Variants in PCDHGB1 observed in about 807,000 individuals in gnomAD.
The protein encoded by PCDHGB1 is protocadherin gamma subfamily B, 1, also known as protocadherin gamma-B1.
A neutral mutation model predicts 56.6 loss-of-function variants in PCDHGB1; 34 were observed. That is an observed-to-expected ratio of 0.60 (90% confidence interval 0.46 to 0.80). The LOEUF (loss-of-function observed/expected upper bound fraction) is 0.80. Among genes scored for constraint, PCDHGB1 ranks in the 30% least tolerant of loss-of-function variants. PCDHGB1 has a pLI of 0.00. For missense variants in PCDHGB1, 1,278 were observed against 1,204.6 expected, an observed-to-expected ratio of 1.06 and a Z score of -0.90; for synonymous variants, 561 against 505.9, an observed-to-expected ratio of 1.11 and a Z score of -1.46.
intron 1 of PCDHGB1, chr5:141,376,399 G>C (rs764497807): frequency 6.2e-7 from 1 of 1,614,182 alleles, no homozygotes; most frequent in South Asian, 1.1e-5. Flanking sequence ...TTTTCCCCCA[G>C]CCCAACTATG....
At chr5:141,442,701 A>AG (rs1388473196) in intron 1 of PCDHGB1, among the ~76,000 whole-genome samples, 5 of 152,258 alleles carry the variant, frequency 3.3e-5, no homozygotes, top group Non-Finnish European at 7.3e-5. Flanking sequence ...AGACAAGAGT[A>AG]TCAGACATGC....
chr5:141,459,843 T>C (rs1328781794), intron 1 of PCDHGB1, among the ~76,000 whole-genome samples: 1 of 152,228 alleles, frequency 6.6e-6, no homozygotes, highest in African/African-American at 2.4e-5. Context: ...TGTCTATTTG[T>C]ATATCTTCTT....
intron 1 of PCDHGB1, among the ~76,000 whole-genome samples, chr5:141,437,588 A>G (rs1399641711): frequency 6.6e-6 from 1 of 152,134 alleles, no homozygotes; most frequent in African/African-American, 2.4e-5. Context: ...CATGAATTGG[A>G]TAGTTCTGGT....
intron 1 of PCDHGB1, among the ~76,000 whole-genome samples, chr5:141,407,088 G>T (rs955657125): frequency 4.6e-5 from 7 of 152,058 alleles, no homozygotes; most frequent in African/African-American, 1.7e-4. Context: ...ATGAAGAATT[G>T]TTTTATTTGT....
chr5:141,354,959 G>A, intron 1 of PCDHGB1: 1 of 493,026 alleles, frequency 2.0e-6, no homozygotes, highest in East Asian at 3.2e-5. Context: ...GCAGTAACAG[G>A]TTAAGACTCT....
intron 1 of PCDHGB1, among the ~76,000 whole-genome samples, chr5:141,466,704 T>C (rs1175063183): frequency 6.6e-6 from 1 of 152,202 alleles, no homozygotes; most frequent in Admixed American, 6.5e-5. Context: ...AAATTTGATG[T>C]CTGTTCTTGT....
At chr5:141,409,294 G>T (rs1438036410) in intron 1 of PCDHGB1, 11 of 1,613,826 alleles carry the variant, frequency 6.8e-6, no homozygotes, top group South Asian at 1.1e-5. Flanking sequence ...CTCCAGGAAT[G>T]GTTGTTGCCC....
At chr5:141,415,258 C>G (rs1228702476) in intron 1 of PCDHGB1, 1 of 1,614,214 alleles carries the variant, frequency 6.2e-7, no homozygotes, top group Non-Finnish European at 8.5e-7. Context: ...AGACCTCACT[C>G]TGTACCTGGT....
At chr5:141,508,242 GC>G (rs1344624071) in intron 3 of PCDHGB1, 1 of 152,310 alleles carries the variant, frequency 6.6e-6, no homozygotes, top group African/African-American at 2.4e-5. Context: ...TCCTAAGTCT[GC>G]CTCTCCTGGG....
intron 2 of PCDHGB1, among the ~76,000 whole-genome samples, chr5:141,500,416 A>G: frequency 6.6e-6 from 1 of 151,634 alleles, no homozygotes; most frequent in East Asian, 2.0e-4. Flanking sequence ...TCACCGTGTT[A>G]GCCAGGATGG....
intron 1 of PCDHGB1, among the ~76,000 whole-genome samples, chr5:141,470,624 A>G (rs1421700811): frequency 6.6e-6 from 1 of 152,220 alleles, no homozygotes; most frequent in Non-Finnish European, 1.5e-5. Flanking sequence ...TCATGCTTAG[A>G]TAGGCCCCCT....
At chr5:141,421,702 A>G (rs2096594027) in intron 1 of PCDHGB1, 1 of 1,613,950 alleles carries the variant, frequency 6.2e-7, no homozygotes, top group Non-Finnish European at 8.5e-7. Context: ...TCCTAATGCT[A>G]GGGATCCAGA....
Position 141,431,141 on chromosome 5 carries a change from G to T in PCDHGB1, c.2410-63666G>T. 1.2e-6 allele frequency: 2 copies of T among 1,614,212 alleles called. No homozygotes were observed. Among genetic ancestry groups the T allele is most frequent in the South Asian group, 1.1e-5 (1 of 91,084 alleles). On this transcript the variant is annotated intron_variant, in intron 1 of 3. Coordinates refer to ENST00000523390, the MANE Select transcript of PCDHGB1 (RefSeq NM_018922.3). This position sits in a 1 kb window ranked among gnomAD's most constrained non-coding sequence, Gnocchi z 4.8. ...AGAAGTAGAAGTAAGGGACATTAACGACAATGCGCCTTACTTTCGTGAAAG... is the reference window on the plus strand; with the variant it reads ...AGAAGTAGAAGTAAGGGACATTAACTACAATGCGCCTTACTTTCGTGAAAG...
chr5:141,494,468 C>G (rs2099754577), intron 1 of PCDHGB1, among the ~76,000 whole-genome samples: 1 of 152,136 alleles, frequency 6.6e-6, no homozygotes, highest in East Asian at 1.9e-4. Context: ...TGCACCTCTT[C>G]CCCCAGTTCC....
intron 1 of PCDHGB1, among the ~76,000 whole-genome samples, chr5:141,470,888 T>C (rs2099243463): frequency 6.6e-6 from 1 of 151,912 alleles, no homozygotes; most frequent in Non-Finnish European, 1.5e-5. Context: ...GTTTTTGTTT[T>C]TGTTTTTTGT....
intron 1 of PCDHGB1, chr5:141,356,685 C>A: frequency 1.2e-6 from 2 of 1,613,994 alleles, no homozygotes; most frequent in South Asian, 1.1e-5. Flanking sequence ...CCGAAGACAC[C>A]TTCCAGGGTG....
rs2093887845 is a variant in PCDHGB1, at chr5:141,399,791, C to T, written c.2409+47122C>T. ...TTGGTGGGCGACCGAAACGACAACG[C>T]ACCGCGGGTGCTGTACCCCGCGCTG... On this transcript the variant is annotated intron_variant, in intron 1 of 3. Transcript: ENST00000523390. 1.2e-6 allele frequency: 2 copies of T among 1,613,128 alleles called. No individual in the cohort carries two copies. Among genetic ancestry groups the T allele is most frequent in the Admixed American group, 1.7e-5 (1 of 59,984 alleles).
chr5:141,484,603 G>T (rs1460433183), intron 1 of PCDHGB1, among the ~76,000 whole-genome samples: 1 of 152,008 alleles, frequency 6.6e-6, no homozygotes, highest in Non-Finnish European at 1.5e-5. Context: ...TAGAATACTG[G>T]TTGATGACAA....
intron 1 of PCDHGB1, chr5:141,404,463 A>C: frequency 6.2e-7 from 1 of 1,612,548 alleles, no homozygotes. Flanking sequence ...CTCTCCACCT[A>C]TGTCTCTATT....
Sources: allele counts gnomAD v4.1 joint callset (sites outside exome capture counted in the v4.1 genomes callset), GRCh38; gene constraint gnomAD v4.1.1; non-coding constraint Gnocchi (gnomAD v3.1); transcripts MANE v1.5; gene names NCBI Gene and HGNC (gene_info 2026-07-23, HGNC 2026-07-21).